The following PRKN variants were observed in gnomAD, a reference collection of about 807,000 sequenced individuals.
PRKN encodes E3 ubiquitin-protein ligase parkin.
Under a neutral mutation model 59.5 loss-of-function variants are expected in PRKN, and 56 were observed. That is an observed-to-expected ratio of 0.94 (90% CI 0.76 to 1.18). The LOEUF (loss-of-function observed/expected upper bound fraction) is 1.18, where lower values mean the gene tolerates loss of function less well. Ranked by LOEUF, PRKN falls within the 50% of genes most tolerant of loss-of-function variation. The pLI, the probability that PRKN is intolerant of heterozygous loss-of-function variation, is 0.00. For missense variants in PRKN, 657 were observed against 596.4 expected (o/e 1.10, Z -1.06); for synonymous variants, 250 against 222.1 (o/e 1.13, Z -1.12).
chr6:161,696,547 T>A (rs1786029737), intron 7 of PRKN, among the ~76,000 whole-genome samples: 1 of 152,200 alleles, frequency 6.6e-6, no homozygotes, highest in African/African-American at 2.4e-5. Context: ...CTATTGGTAA[T>A]AACATATATT....
At chr6:161,437,709 T>C (rs540203905) in intron 9 of PRKN, among the ~76,000 whole-genome samples, 1 of 152,316 alleles carries the variant, frequency 6.6e-6, no homozygotes, top group South Asian at 2.1e-4. Flanking sequence ...TATATTAATG[T>C]GTTCCTGAAA....
chr6:162,339,085 C>T (rs1420576980), intron 2 of PRKN, among the ~76,000 whole-genome samples: 1 of 145,174 alleles, frequency 6.9e-6, no homozygotes, highest in South Asian at 2.2e-4. Flanking sequence ...GTGAGGAGCC[C>T]CTCCGACCGG....
chr6:161,370,045 G>T (rs1011961866), intron 10 of PRKN: 24 of 431,988 alleles, frequency 5.6e-5, no homozygotes, highest in Admixed American at 1.2e-4. Context: ...TAATCATCAC[G>T]ATCATCTCTA....
chr6:161,770,777 G>C (rs536850752), intron 7 of PRKN, among the ~76,000 whole-genome samples: 81 of 152,144 alleles, frequency 5.3e-4, no homozygotes, highest in African/African-American at 1.9e-3. Flanking sequence ...CGGCAACAGG[G>C]CCTTTAAAGA....
chr6:161,697,322 CATT>C (rs1186069512), intron 7 of PRKN, among the ~76,000 whole-genome samples: 3 of 152,206 alleles, frequency 2.0e-5, no homozygotes, highest in Non-Finnish European at 4.4e-5. Context: ...GGAATGCACA[CATT>C]ATAATATTTG....
intron 7 of PRKN, among the ~76,000 whole-genome samples, chr6:161,646,814 TC>T (rs1783974043): frequency 6.6e-6 from 1 of 152,192 alleles, no homozygotes; most frequent in African/African-American, 2.4e-5. Context: ...TTTAGGATCT[TC>T]AGACTCCTTT....
intron 7 of PRKN, among the ~76,000 whole-genome samples, chr6:161,636,631 G>A (rs186106346): frequency 1.3e-5 from 2 of 152,290 alleles, no homozygotes; most frequent in African/African-American, 2.4e-5. Context: ...ATGCCAAAGA[G>A]CAAACTCACA....
At chr6:162,132,472 G>T (rs915932329) in intron 4 of PRKN, among the ~76,000 whole-genome samples, 7 of 151,036 alleles carry the variant, frequency 4.6e-5, no homozygotes. Flanking sequence ...GCAGTATCTT[G>T]TCTGAGAAGG....
chr6:162,610,209 G>A (rs1583901482), intron 1 of PRKN, among the ~76,000 whole-genome samples: 1 of 152,108 alleles, frequency 6.6e-6, no homozygotes, highest in African/African-American at 2.4e-5. Context: ...ATTTAGTGAC[G>A]ACAAAACTGA....
chr6:161,795,754 G>T (rs965932172), intron 6 of PRKN, among the ~76,000 whole-genome samples: 1 of 152,046 alleles, frequency 6.6e-6, no homozygotes, highest in African/African-American at 2.4e-5. Context: ...TGTTGGTCAG[G>T]CACAGGATAT....
In PRKN at chr6:161,440,549, C is replaced by T. The variant is rs182099963; in HGVS notation, c.1084-53672G>A. Among the ~76,000 whole-genome samples the T allele has an allele frequency of 5.0e-4, 76 of 152,300 alleles. No individual in the cohort carries two copies. Among genetic ancestry groups the T allele is most frequent in the African/African-American group, 1.7e-3 (72 of 41,574 alleles). On this transcript the variant is annotated intron_variant, in intron 9 of 11. Transcript: ENST00000366898. This position sits in a 1 kb window ranked among gnomAD's most constrained non-coding sequence, Gnocchi z 4.1. ...TCTGCAAAGACATGGTCGGCAGACA[C>T]AGAGGGTTCCCTCACCAGGGGTCTG... is the stretch of plus-strand genomic sequence containing the variant.
At chr6:162,445,910 A>G (rs1189936834) in intron 1 of PRKN, among the ~76,000 whole-genome samples, 5 of 152,020 alleles carry the variant, frequency 3.3e-5, no homozygotes, top group Non-Finnish European at 7.4e-5. Flanking sequence ...GTGACACTCC[A>G]GTGAGGGCAG....
At chr6:162,628,195 G>T (rs1046345737) in intron 1 of PRKN, among the ~76,000 whole-genome samples, 13 of 152,152 alleles carry the variant, frequency 8.5e-5, no homozygotes, top group African/African-American at 2.9e-4. Flanking sequence ...TTTTGATGAT[G>T]AAGACGCAGA....
At chr6:161,856,266 A>C (rs1793646619) in intron 6 of PRKN, among the ~76,000 whole-genome samples, 1 of 152,124 alleles carries the variant, frequency 6.6e-6, no homozygotes, top group Admixed American at 6.6e-5. Flanking sequence ...AAGCTGAGGC[A>C]GGAGAATCAT....
At chr6:162,371,113 TA>T (rs1033107172) in intron 2 of PRKN, among the ~76,000 whole-genome samples, 1 of 152,176 alleles carries the variant, frequency 6.6e-6, no homozygotes, top group Non-Finnish European at 1.5e-5. Flanking sequence ...GCAAGATAAT[TA>T]TTTGGTATCC....
intron 2 of PRKN, among the ~76,000 whole-genome samples, chr6:162,351,911 A>G (rs1182467424): frequency 6.6e-6 from 1 of 152,116 alleles, no homozygotes; most frequent in Non-Finnish European, 1.5e-5. Context: ...TGTGGTATAA[A>G]AACAAGGTAG....
At chr6:161,988,820 A>G (rs1781536678) in intron 5 of PRKN, among the ~76,000 whole-genome samples, 1 of 152,212 alleles carries the variant, frequency 6.6e-6, no homozygotes, top group Non-Finnish European at 1.5e-5. Flanking sequence ...AGTACTACAG[A>G]GCATTTTCAT....
At chr6:162,240,269 A>C (rs1778927824) in intron 3 of PRKN, among the ~76,000 whole-genome samples, 1 of 152,204 alleles carries the variant, frequency 6.6e-6, no homozygotes, top group African/African-American at 2.4e-5. Flanking sequence ...TCTATCATCC[A>C]ATAAGTGTTT....
chr6:162,298,727 T>C (rs1781805647), intron 2 of PRKN, among the ~76,000 whole-genome samples: 1 of 149,536 alleles, frequency 6.7e-6, no homozygotes, highest in African/African-American at 2.5e-5. Context: ...AGAGGGAGAA[T>C]GGTAAGGAAA....
Sources: allele counts gnomAD v4.1 joint callset (sites outside exome capture counted in the v4.1 genomes callset), GRCh38; gene constraint gnomAD v4.1.1; non-coding constraint Gnocchi (gnomAD v3.1); transcripts MANE v1.5; gene names NCBI Gene and HGNC (gene_info 2026-07-23, HGNC 2026-07-21).